Variants in UBE3C observed in about 807,000 individuals in gnomAD.
The protein encoded by UBE3C is ubiquitin protein ligase E3C.
A neutral mutation model predicts 129.4 loss-of-function variants in UBE3C; 42 were observed. That is an observed-to-expected ratio of 0.32 (90% confidence interval 0.25 to 0.42). The LOEUF (loss-of-function observed/expected upper bound fraction) is 0.42, where lower values mean the gene tolerates loss of function less well. Ranked by LOEUF, UBE3C falls within the 10% of genes least tolerant of loss-of-function variation. The probability of loss-of-function intolerance (pLI) is 1.00; values close to 1 mark genes in which losing one functional copy is unlikely to be tolerated. For missense variants in UBE3C, 1,049 were observed against 1,319.1 expected (o/e 0.80, Z 3.17); for synonymous variants, 510 against 492.4 (o/e 1.04, Z -0.47).
At chr7:157,152,455 A>G (rs114099130) in intron 1 of UBE3C, among the ~76,000 whole-genome samples, 1,557 of 152,306 alleles carry the variant, frequency 0.01, 25 homozygotes, top group African/African-American at 0.035. Flanking sequence ...CTGAAGAGCA[A>G]TGAGGGCCTA....
At chr7:157,193,446 T>A (rs112458138) in intron 10 of UBE3C, among the ~76,000 whole-genome samples, 2,147 of 152,320 alleles carry the variant, frequency 0.014, 21 homozygotes, top group Non-Finnish European at 0.022. Flanking sequence ...TGGGAGCCAG[T>A]GTCTTCCATT....
In UBE3C at chr7:157,195,232, C is replaced by T. The variant is rs539008286; in HGVS notation, c.1332-6489C>T. Among the ~76,000 whole-genome samples, 12 of 152,260 alleles carry T rather than the reference C, an allele frequency of 7.9e-5. No individual in the cohort carries two copies. In the South Asian group the frequency reaches 2.5e-3, roughly 32 times the overall value. On this transcript the variant is annotated intron_variant, in intron 10 of 22. Transcript: ENST00000348165. ...TTTTCCAGGAAAGATATGTGAGGAG[C>T]CTCCTGTGTAAATGAGTGAATCCCC... is the stretch of plus-strand genomic sequence containing the variant.
Position 157,167,541 on chromosome 7 carries a change from T to C in UBE3C, c.121-1507T>C, listed in dbSNP as rs74456023. Among the ~76,000 whole-genome samples, 44 of 150,434 alleles carry C rather than the reference T, an allele frequency of 2.9e-4. No homozygotes were observed. The East Asian group carries it at 8.5e-3, about 29-fold the overall frequency. ...ATATAAAATGCCTCTCTCTCTCTCT[T>C]TTCTTTTTTTTTTTGAGACGGAGTC... On this transcript the variant is annotated intron_variant, in intron 2 of 22. Coordinates refer to ENST00000348165, the MANE Select transcript of UBE3C (RefSeq NM_014671.3).
At position 157,212,903 on chromosome 7, in the gene UBE3C, A is replaced by G. The variant is rs1586692911; in HGVS notation, c.1810-3964A>G. Among the ~76,000 whole-genome samples, 3 of 152,108 alleles carry G rather than the reference A, an allele frequency of 2.0e-5. No individual in the cohort carries two copies. The East Asian group carries it at 5.8e-4, about 29-fold the overall frequency. On this transcript the variant is annotated intron_variant, in intron 13 of 22. Transcript: ENST00000348165. ...CTCCTGAGTAGCTGGGACTACAGGC[A>G]TGTGCCACCACACCCGGCTAATTTT...
intron 18 of UBE3C, among the ~76,000 whole-genome samples, chr7:157,248,036 A>G (rs1019633431): frequency 1.3e-5 from 2 of 152,228 alleles, no homozygotes; most frequent in African/African-American, 4.8e-5. Context: ...ACAAACCTGC[A>G]GTTCCTGAAG....
chr7:157,190,270 C>CAGA (rs1808919726), intron 10 of UBE3C, among the ~76,000 whole-genome samples: 1 of 152,080 alleles, frequency 6.6e-6, no homozygotes, highest in Non-Finnish European at 1.5e-5. Context: ...TCTCCTCTGT[C>CAGA]CCCTCCCAGG....
At chr7:157,260,957 G>T (rs903462225) in intron 22 of UBE3C, among the ~76,000 whole-genome samples, 1 of 152,142 alleles carries the variant, frequency 6.6e-6, no homozygotes, top group African/African-American at 2.4e-5. Context: ...CTGCGTGAGC[G>T]TCGTAGGTTT....
intron 17 of UBE3C, among the ~76,000 whole-genome samples, chr7:157,230,369 A>C (rs982113314): frequency 2.0e-5 from 3 of 151,656 alleles, no homozygotes; most frequent in Admixed American, 2.0e-4. Flanking sequence ...CAGACAAAAT[A>C]CACTAACAGT....
intron 10 of UBE3C, chr7:157,197,962 A>G: frequency 6.2e-7 from 1 of 1,608,982 alleles, no homozygotes; most frequent in Non-Finnish European, 8.5e-7. Context: ...AAAGCCTTGA[A>G]CCTCAATCTA....
intron 1 of UBE3C, among the ~76,000 whole-genome samples, chr7:157,141,880 T>A (rs1807462671): frequency 6.6e-6 from 1 of 152,234 alleles, no homozygotes; most frequent in Admixed American, 6.5e-5. Context: ...CCGTGGCTGA[T>A]TCTGTTTTCT....
chr7:157,142,097 TTG>T (rs1235541808), intron 1 of UBE3C, among the ~76,000 whole-genome samples: 1 of 152,224 alleles, frequency 6.6e-6, no homozygotes, highest in Non-Finnish European at 1.5e-5. Flanking sequence ...TGTAGTTTCT[TTG>T]TGGTTTTAAT....
chr7:157,228,372 T>C (rs3802108), intron 17 of UBE3C, among the ~76,000 whole-genome samples: 2 of 152,106 alleles, frequency 1.3e-5, no homozygotes, highest in African/African-American at 4.8e-5. Context: ...ATGGGATTGC[T>C]GTAAGAATTG....
intron 9 of UBE3C, 147 bp downstream of exon 9, chr7:157,184,176 G>A (rs1808747365): frequency 1.0e-6 from 1 of 996,836 alleles, no homozygotes; most frequent in Non-Finnish European, 1.4e-6. Flanking sequence ...CACTACCACA[G>A]TTTCTAGTGA....
In UBE3C at chr7:157,179,731, G is replaced by A. The variant is rs375831059; in HGVS notation, c.616+884G>A. On this transcript the variant is annotated intron_variant, in intron 6 of 22. Coordinates refer to ENST00000348165, the MANE Select transcript of UBE3C (RefSeq NM_014671.3). ...GTGCTTTCCTTCACCTGAAGTCATA[G>A]TCTGGGTTACATCTAACGGACTTGA... Among the ~76,000 whole-genome samples, 80 of 152,324 alleles carry A rather than the reference G, an allele frequency of 5.3e-4. 1 individual carries two copies. The highest frequency in any genetic ancestry group is 1.9e-3 in the African/African-American group (79 of 41,588).
At chr7:157,246,706 C>A (rs185520339) in intron 18 of UBE3C, among the ~76,000 whole-genome samples, 62 of 152,240 alleles carry the variant, frequency 4.1e-4, no homozygotes, top group African/African-American at 1.4e-3. Flanking sequence ...CCCTCATTCT[C>A]GGGCAAAAAT....
At chr7:157,265,998 A>G (rs1797067102) in intron 22 of UBE3C, among the ~76,000 whole-genome samples, 1 of 152,066 alleles carries the variant, frequency 6.6e-6, no homozygotes, top group Non-Finnish European at 1.5e-5. Flanking sequence ...ACCTCCCTCA[A>G]TTTCGTCTTG....
chr7:157,181,394 C>A, intron 6 of UBE3C, 124 bp from the exon 7 acceptor site: 1 of 794,062 alleles, frequency 1.3e-6, no homozygotes, highest in Non-Finnish European at 1.9e-6. Flanking sequence ...TCCTTGCTAG[C>A]ATGTTAAAGA....
At chr7:157,261,430 C>T (rs2116710225) in intron 22 of UBE3C, among the ~76,000 whole-genome samples, 1 of 135,144 alleles carries the variant, frequency 7.4e-6, no homozygotes, top group Admixed American at 7.8e-5. Flanking sequence ...TTTGAGCATC[C>T]ATGAGACGGT....
At chr7:157,179,306 C>G (rs1808608163) in intron 6 of UBE3C, among the ~76,000 whole-genome samples, 1 of 151,912 alleles carries the variant, frequency 6.6e-6, no homozygotes, top group African/African-American at 2.4e-5. Flanking sequence ...ATTTTTCTTC[C>G]AAGAGTGAGG....
Sources: gnomAD v4.1 joint callset for allele counts (sites outside exome capture counted in the v4.1 genomes callset) on GRCh38, gnomAD v4.1.1 for gene constraint, MANE v1.5 for transcripts, NCBI Gene and HGNC (gene_info 2026-07-23, HGNC 2026-07-21) for gene names.